The following FAM83H variants were observed in gnomAD, a reference collection of about 807,000 sequenced individuals.
FAM83H encodes protein FAM83H.
FAM83H carries 24 observed loss-of-function variants against 30.2 expected under a neutral mutation model. That is an observed-to-expected ratio of 0.79 (90% CI 0.57 to 1.12). The LOEUF (loss-of-function observed/expected upper bound fraction) is 1.12, where lower values mean the gene tolerates loss of function less well. FAM83H is among the 50% of genes most tolerant of loss of function. The pLI is 0.00. For missense variants in FAM83H, 2,038 were observed against 1,773.9 expected, an observed-to-expected ratio of 1.15 and a Z score of -2.67; for synonymous variants, 1,013 against 821.7, an observed-to-expected ratio of 1.23 and a Z score of -3.98.
rs782154248 is a variant in FAM83H at position 143,727,206 on chromosome 8, G to A, written c.2255C>T (p.Ala752Val). Residue 752 changes from alanine (A) to valine (V), a missense_variant, in exon 5 of 5, where the codon GCG (alanine) becomes GTG (valine). Transcript: ENST00000388913. Reference sequence around the variant, plus strand: ...GTGGCTGGCAACGGTGATGGCGCCCGCGCCGCCGCCGGGATCACGGGCTGG... The same window carrying A: ...GTGGCTGGCAACGGTGATGGCGCCCACGCCGCCGCCGGGATCACGGGCTGG... ...KGPARDPGGG[A>V]GAITVASHSK... 3.9e-6 allele frequency: 6 copies of A among 1,533,254 alleles called. No homozygotes were observed. Among genetic ancestry groups the A allele is most frequent in the Non-Finnish European group, 5.2e-6 (6 of 1,145,410 alleles). The allele number at this position is 1,533,254 out of a possible 1,614,324, so 95.0% of individuals were successfully genotyped here.
In FAM83H at chr8:143,728,256, A is replaced by C; in HGVS notation, c.1205T>G (p.Leu402Arg). ...GTGCCGCTTGAAGGCGTCCATCTCC[A>C]GGTGCCGCGCCTGGAAGAAGCCCCG... ...GARGFFQARH[L>R]EMDAFKRHSF... The change falls in exon 5 of 5, where the codon CTG (leucine) becomes CGG (arginine). Residue 402 changes from leucine (L) to arginine (R), a missense_variant. By Grantham distance (102) the Leu-to-Arg change is moderately radical (BLOSUM62 -2). Transcript: ENST00000388913. 1 of 1,556,782 alleles carries C rather than the reference A, an allele frequency of 6.4e-7. No homozygotes were observed. The highest frequency in any genetic ancestry group is 8.6e-7 in the Non-Finnish European group (1 of 1,157,860).
Position 143,726,684 on chromosome 8 carries a change from G to C in FAM83H, c.2777C>G (p.Pro926Arg). 16 of 1,598,616 alleles carry C rather than the reference G, an allele frequency of 1.0e-5. No individual in the cohort carries two copies. Among genetic ancestry groups the C allele is most frequent in the Non-Finnish European group, 1.4e-5 (16 of 1,176,330 alleles). The stretch of plus-strand genomic sequence containing the variant: ...CCTGCGCTCCGGCACGGGGGGCACC[G>C]GACTGCTCCTGCGCTCCGGCACGGG... ...VPPVPERRSS[P>R]VPPVPERRGS... Residue 926 changes from proline (P) to arginine (R), a missense_variant, in exon 5 of 5, where the codon CCG (proline) becomes CGG (arginine). Coordinates refer to ENST00000388913, the MANE Select transcript of FAM83H (RefSeq NM_198488.5).
chr8:143,728,469 G>A lies in FAM83H; in HGVS notation c.992C>T (p.Pro331Leu), dbSNP rs1459743786. The A allele has an allele frequency of 5.8e-6, 9 of 1,552,236 alleles. No individual in the cohort carries two copies. The highest frequency in any genetic ancestry group is 1.7e-4 in the Middle Eastern group (1 of 6,006). The part of the protein sequence containing the change: ...SFPKRAHLLF[P>L]PPREEGLGFP... ...GCCCAGGCCCTCTTCCCGGGGTGGC[G>A]GGAACAGGAGGTGCGCTCGTTTAGG... The change falls in exon 5 of 5, where the codon CCG (proline) becomes CTG (leucine). Residue 331 changes from proline (P) to leucine (L), a missense_variant. By Grantham distance (98) the Pro-to-Leu change is moderately conservative. Coordinates refer to ENST00000388913, the MANE Select transcript of FAM83H (RefSeq NM_198488.5).
intron 4 of FAM83H, 77 bp downstream of exon 4, chr8:143,728,890 C>T: frequency 6.2e-7 from 1 of 1,608,798 alleles, no homozygotes; most frequent in South Asian, 1.1e-5. Context: ...GCGAGGAGGG[C>T]CCTGGTGTGG....
chr8:143,730,098 G>T, intron 2 of FAM83H, 38 bp downstream of exon 2: 1 of 1,482,030 alleles, frequency 6.7e-7, no homozygotes. Flanking sequence ...TCTAGCCCAG[G>T]CCCCTCCCCC....
At position 143,726,776 on chromosome 8, in the gene FAM83H, TGTA is replaced by T; in HGVS notation, c.2682_2684del (p.Thr895del). 6.2e-7 allele frequency: 1 copy of T among 1,611,780 alleles called. No individual in the cohort carries two copies. Among genetic ancestry groups the T allele is most frequent in the East Asian group, 2.2e-5 (1 of 44,848 alleles). On this transcript the variant is annotated inframe_deletion, in exon 5 of 5. Coordinates refer to ENST00000388913, the MANE Select transcript of FAM83H (RefSeq NM_198488.5). The stretch of plus-strand genomic sequence containing the variant: ...GGCTCCCCTTCTGCTCGATAAATCC[TGTA>T]GTTGGACTTCCTCTTCGAGTGGAAA...
chr8:143,726,396 C>G lies in FAM83H; in HGVS notation c.3065G>C (p.Arg1022Pro), dbSNP rs1234171848. The G allele has an allele frequency of 6.2e-7, 1 of 1,607,264 alleles. No individual in the cohort carries two copies. The highest frequency in any genetic ancestry group is 8.5e-7 in the Non-Finnish European group (1 of 1,178,418). ...AATEERGPRA[R>P]LSSATANALY... ...GGCGTTGGCCGTGGCTGAGGACAGG[C>G]GCGCCCGCGGACCCCGCTCTTCTGT... The change falls in exon 5 of 5, where the codon CGC becomes CCC. Residue 1022 changes from arginine (R) to proline (P), a missense_variant. Arg to Pro is a moderately radical substitution (Grantham distance 103). Coordinates refer to ENST00000388913, the MANE Select transcript of FAM83H (RefSeq NM_198488.5).
Position 143,729,228 on chromosome 8 carries a change from C to T in FAM83H, c.543G>A (p.Leu181=). The part of the protein sequence containing the change: ...AARRVPVYIL[L]DEMNAQHFLD... Reference sequence around the variant, plus strand: ...GGAAGTGCTGCGCGTTCATCTCATCCAGCAGGATGTAGACTGGGACCCGAC... The same window carrying T: ...GGAAGTGCTGCGCGTTCATCTCATCTAGCAGGATGTAGACTGGGACCCGAC... Residue 181 remains leucine, a synonymous_variant, in exon 3 of 5, where the codon CTG becomes CTA. Coordinates refer to ENST00000388913, the MANE Select transcript of FAM83H (RefSeq NM_198488.5). 2 of 1,613,630 alleles carry T rather than the reference C, an allele frequency of 1.2e-6. No individual in the cohort carries two copies. Among genetic ancestry groups the T allele is most frequent in the Non-Finnish European group, 1.7e-6 (2 of 1,180,026 alleles).
rs267601817 is a variant in FAM83H at position 143,728,712 on chromosome 8, G to C, written c.749C>G (p.Ser250Cys). 1.9e-6 allele frequency: 3 copies of C among 1,599,556 alleles called. No individual in the cohort carries two copies. The East Asian group carries it at 6.7e-5, about 36-fold the overall frequency. ...VMSGSYSFMW[S>C]FEKIHRSLAH... ...CAGGCTGCGGTGGATCTTCTCAAAGGACCACATGAAGCTGTGGGGGGGTCA... is the reference window on the plus strand; with the variant it reads ...CAGGCTGCGGTGGATCTTCTCAAAGCACCACATGAAGCTGTGGGGGGGTCA... The change falls in exon 5 of 5, where the codon TCC (serine) becomes TGC (cysteine). Residue 250 changes from serine (S) to cysteine (C), a missense_variant. Transcript: ENST00000388913.
rs1554621638 is a variant in FAM83H at position 143,726,236 on chromosome 8, C to T, written c.3225G>A (p.Pro1075=). ...THNSPELGRP[P]AAGVLAPDMS... ...TATCTGGGGCCAGGACGCCAGCAGC[C>T]GGTGGACGGCCTAGCTCGGGGCTGT... The change falls in exon 5 of 5, where the codon CCG becomes CCA. Residue 1075 remains proline, a synonymous_variant. Transcript: ENST00000388913. 6.2e-7 allele frequency: 1 copy of T among 1,612,296 alleles called. No individual in the cohort carries two copies.
rs782443470 is a variant in FAM83H, at chr8:143,727,297, C to T, written c.2164G>A (p.Gly722Ser). 1.3e-6 allele frequency: 2 copies of T among 1,538,902 alleles called. No individual in the cohort carries two copies. The highest frequency in any genetic ancestry group is 3.9e-5 in the Admixed American group (2 of 51,332). ...GCCGCGGAGCGCACGGCCTCTCCGC[C>T]GGGCCCCAGCGTCTCGCTGACCGTC... is the stretch of plus-strand genomic sequence containing the variant. ...EQTVSETLGP[G>S]GEAVRSAAST... The change falls in exon 5 of 5, where the codon GGC becomes AGC. Residue 722 changes from glycine (G) to serine (S), a missense_variant. Physicochemically the swap from Gly to Ser is moderately conservative, Grantham distance 56. Transcript: ENST00000388913.
In FAM83H at chr8:143,725,658, G is replaced by A. The variant is rs1166542757; in HGVS notation, c.*263C>T. ...CGCTGCGCCACGCAAGGCTGACGGT[G>A]CAGAGATGAAGGTGCTGAGGGGAGA... On this transcript the variant is annotated 3_prime_UTR_variant, in exon 5 of 5. Coordinates refer to ENST00000388913, the MANE Select transcript of FAM83H (RefSeq NM_198488.5). 5.0e-6 allele frequency: 3 copies of A among 596,256 alleles called. No homozygotes were observed. In the East Asian group the frequency reaches 8.4e-5, roughly 17 times the overall value. The allele number at this position is 596,256 out of a possible 1,614,324, so 36.9% of individuals were successfully genotyped here.
Position 143,726,343 on chromosome 8 carries a change from T to C in FAM83H, c.3118A>G (p.Thr1040Ala). 1.9e-6 allele frequency: 3 copies of C among 1,612,088 alleles called. No homozygotes were observed. Among genetic ancestry groups the C allele is most frequent in the Non-Finnish European group, 2.5e-6 (3 of 1,179,728 alleles). ...ALYSSNLRDDTKAILEQISAH... is the reference protein window; with the variant it reads ...ALYSSNLRDDAKAILEQISAH... ...CTGATCTGCTCCAGAATGGCCTTCG[T>C]GTCATCCCGAAGGTTGCTGCTGTAC... The change falls in exon 5 of 5, where the codon ACG (threonine) becomes GCG (alanine). Residue 1040 changes from threonine to alanine, a missense_variant. Thr to Ala is a moderately conservative substitution (Grantham distance 58, BLOSUM62 0). Transcript: ENST00000388913.
Position 143,725,156 on chromosome 8 carries a change from C to CGGGGGGGGGGGGGGGGGG in FAM83H, c.*764_*765insCCCCCCCCCCCCCCCCCC, listed in dbSNP as rs549881150. 1.6e-4 allele frequency: 6 copies of CGGGGGGGGGGGGGGGGGG among 37,522 alleles called. 1 individual carries two copies. Among genetic ancestry groups the CGGGGGGGGGGGGGGGGGG allele is most frequent in the Non-Finnish European group, 2.8e-4 (5 of 18,068 alleles). 2.3% of individuals were successfully genotyped at this position (37,522 alleles called of 1,614,324 possible). On this transcript the variant is annotated 3_prime_UTR_variant, in exon 5 of 5. Coordinates refer to ENST00000388913, the MANE Select transcript of FAM83H (RefSeq NM_198488.5). ...AAGCCCAGGCGGGGGAGGGGGGAGA[C>CGGGGGGGGGGGGGGGGGG]GGGGGGGGGGGGGGGGGAGGGAAGG...
Position 143,728,156 on chromosome 8 carries a change from G to C in FAM83H, c.1305C>G (p.Leu435=), listed in dbSNP as rs781910966. The change falls in exon 5 of 5, where the codon CTC becomes CTG. Residue 435 remains leucine (L), a synonymous_variant. Coordinates refer to ENST00000388913, the MANE Select transcript of FAM83H (RefSeq NM_198488.5). ...GGAAGCGGAAGTCGTCGCCGTGGCTGAGGAACGTCTGCCGCGACACCTGCC... is the reference window on the plus strand; with the variant it reads ...GGAAGCGGAAGTCGTCGCCGTGGCTCAGGAACGTCTGCCGCGACACCTGCC... ...AARQVSRQTF[L]SHGDDFRFQT... 8 of 1,608,464 alleles carry C rather than the reference G, an allele frequency of 5.0e-6. No homozygotes were observed. Among genetic ancestry groups the C allele is most frequent in the South Asian group, 1.1e-5 (1 of 90,942 alleles).
Position 143,723,993 on chromosome 8 carries a change from G to A in FAM83H, c.*1928C>T, listed in dbSNP as rs1314056498. On this transcript the variant is annotated 3_prime_UTR_variant, in exon 5 of 5. Transcript: ENST00000388913. Reference sequence around the variant, plus strand: ...TGCCACATCATGGTTTAGAAGAGGTGGAGGGTGCAGGCAGGAGGCTCCGAA... The same window carrying A: ...TGCCACATCATGGTTTAGAAGAGGTAGAGGGTGCAGGCAGGAGGCTCCGAA... 6.6e-6 allele frequency: 1 copy of A among 152,240 alleles called. No homozygotes were observed. Among genetic ancestry groups the A allele is most frequent in the African/African-American group, 2.4e-5 (1 of 41,448 alleles). 9.4% of individuals were successfully genotyped at this position (152,240 alleles called of 1,614,324 possible). A position where few individuals can be genotyped will look rare whatever the true frequency, so the allele number is the denominator to read the frequency against.
At position 143,730,388 on chromosome 8, in the gene FAM83H, G is replaced by T. The variant is rs782487900; in HGVS notation, c.195C>A (p.Ser65Arg). ...FLCPEELEHV[S>R]RHLRPPQYVT... ...CATACTGCGGAGGCCGAAGGTGTCG[G>T]CTCACATGTTCCAGCTCTTCAGGGC... Residue 65 changes from serine to arginine, a missense_variant, in exon 2 of 5, where the codon AGC (serine) becomes AGA (arginine). By Grantham distance (110) the Ser-to-Arg change is moderately radical. Transcript: ENST00000388913. 6.2e-7 allele frequency: 1 copy of T among 1,613,394 alleles called. No individual in the cohort carries two copies. Among genetic ancestry groups the T allele is most frequent in the African/African-American group, 1.3e-5 (1 of 75,078 alleles).
In FAM83H at chr8:143,727,527, G is replaced by C; in HGVS notation, c.1934C>G (p.Pro645Arg). The change falls in exon 5 of 5, where the codon CCG becomes CGG. Residue 645 changes from proline (P) to arginine (R), a missense_variant. By Grantham distance (103) the Pro-to-Arg change is moderately radical. Transcript: ENST00000388913. Reference protein sequence around the residue: ...AFPTKVPVPGPGSGGNGPERE... With the variant: ...AFPTKVPVPGRGSGGNGPERE... ...CTCTGGGCCGTTGCCGCCGCTGCCC[G>C]GGCCTGGCACCGGGACCTTGGTGGG... The C allele has an allele frequency of 6.3e-7, 1 of 1,582,266 alleles. No individual in the cohort carries two copies. Among genetic ancestry groups the C allele is most frequent in the East Asian group, 2.3e-5 (1 of 44,088 alleles).
intron 4 of FAM83H, 109 bp from the exon 5 acceptor site, chr8:143,728,832 C>T: frequency 6.3e-7 from 1 of 1,596,724 alleles, no homozygotes; most frequent in Admixed American, 1.7e-5. Context: ...TCTGCAAGGA[C>T]CTGGGCCCGG....
Sources: gnomAD v4.1 joint callset for allele counts on GRCh38, gnomAD v4.1.1 for gene constraint, MANE v1.5 for transcripts, NCBI Gene and HGNC (gene_info 2026-07-23, HGNC 2026-07-21) for gene names.